The following EFEMP1 variants were observed in gnomAD, a reference collection of about 807,000 sequenced individuals.
EFEMP1 encodes EGF-like fibulin extracellular matrix protein 1, also known as EGF-containing fibulin-like extracellular matrix protein 1.
A neutral mutation model predicts 65.7 loss-of-function variants in EFEMP1; 18 were observed. That is an observed-to-expected ratio of 0.27 (90% CI 0.19 to 0.41). The LOEUF (loss-of-function observed/expected upper bound fraction) is 0.41, where lower values mean the gene tolerates loss of function less well. Ranked by LOEUF, EFEMP1 falls within the 10% of genes least tolerant of loss-of-function variation. The pLI is 1.00. For missense variants in EFEMP1, 469 were observed against 624.8 expected (o/e 0.75, Z 2.66); for synonymous variants, 237 against 219.7 (o/e 1.08, Z -0.70).
chr2:55,883,747 T>TA lies in EFEMP1; in HGVS notation c.518-2014dup, dbSNP rs1172744796. Among the ~76,000 whole-genome samples the TA allele has an allele frequency of 7.2e-5, 11 of 152,192 alleles. No homozygotes were observed. The highest frequency in any genetic ancestry group is 7.3e-5 in the Non-Finnish European group (5 of 68,028). The stretch of plus-strand genomic sequence containing the variant: ...TTGTTGCTCATTTCTTAGTGTCTGA[T>TA]AAATAGGCTAACATTTCCAGTGGAA... On this transcript the variant is annotated intron_variant, in intron 5 of 11. Transcript: ENST00000355426. The surrounding 1 kb of genome is among the most constrained non-coding windows in gnomAD (Gnocchi z 4.5).
rs1668826223 is a variant in EFEMP1 at position 55,871,947 on chromosome 2, G to T, written c.1001-824C>A. On this transcript the variant is annotated intron_variant, in intron 9 of 11. Coordinates refer to ENST00000355426, the MANE Select transcript of EFEMP1 (RefSeq NM_001039348.3). The surrounding 1 kb of genome is among the most constrained non-coding windows in gnomAD (Gnocchi z 4.2). ...ATGCCAAAGAAGTCAGAGGGAGAGA[G>T]AATCCTGGGAAGAAGGGTTGTGTTT... 6.6e-6 allele frequency among the ~76,000 whole-genome samples: 1 copy of T among 151,954 alleles called. No homozygotes were observed. Among genetic ancestry groups the T allele is most frequent in the African/African-American group, 2.4e-5 (1 of 41,376 alleles).
chr2:55,904,374 TTTGTGA>T (rs1179978780), intron 5 of EFEMP1, among the ~76,000 whole-genome samples: 2 of 152,108 alleles, frequency 1.3e-5, no homozygotes, highest in Non-Finnish European at 2.9e-5. Flanking sequence ...TGGTTAAGAG[TTTGTGA>T]TGGTTAATTT....
chr2:55,921,570 A>G lies in EFEMP1; in HGVS notation c.81+790T>C, dbSNP rs933628543. Among the ~76,000 whole-genome samples, 5 of 152,266 alleles carry G rather than the reference A, an allele frequency of 3.3e-5. No individual in the cohort carries two copies. The highest frequency in any genetic ancestry group is 2.1e-4 in the South Asian group (1 of 4,836). ...GATTAAAGACAAGAAAACACAGAACAGAGGTGCAAACAAACTCACCAGAAG... is the reference window on the plus strand; with the variant it reads ...GATTAAAGACAAGAAAACACAGAACGGAGGTGCAAACAAACTCACCAGAAG... On this transcript the variant is annotated intron_variant, in intron 3 of 11. Transcript: ENST00000355426. The surrounding 1 kb of genome is among the most constrained non-coding windows in gnomAD (Gnocchi z 4.1).
At chr2:55,905,551 G>A (rs897363566) in intron 5 of EFEMP1, among the ~76,000 whole-genome samples, 3 of 152,180 alleles carry the variant, frequency 2.0e-5, no homozygotes, top group Non-Finnish European at 4.4e-5. Flanking sequence ...GGCTTCAAGC[G>A]ATTCTCCTGT....
chr2:55,914,486 G>A (rs1027764717), intron 5 of EFEMP1, among the ~76,000 whole-genome samples: 2 of 152,096 alleles, frequency 1.3e-5, no homozygotes, highest in African/African-American at 4.8e-5. Flanking sequence ...TTATAAAATA[G>A]TGTACATTTA....
chr2:55,894,513 G>C (rs755904665), intron 5 of EFEMP1, among the ~76,000 whole-genome samples: 85 of 106,868 alleles, frequency 8.0e-4, no homozygotes, highest in Middle Eastern at 6.2e-3. Context: ...CAGGTTGGCA[G>C]AGTCTTCACT....
intron 5 of EFEMP1, among the ~76,000 whole-genome samples, chr2:55,897,341 C>T (rs1669866668): frequency 6.6e-6 from 1 of 152,114 alleles, no homozygotes; most frequent in Non-Finnish European, 1.5e-5. Context: ...CTGTAACTAA[C>T]AAAGCAATAT....
Position 55,923,696 on chromosome 2 carries a change from G to A in EFEMP1, c.-49+15C>T. 1 of 985,720 alleles carries A rather than the reference G, an allele frequency of 1.0e-6. No homozygotes were observed. Among genetic ancestry groups the A allele is most frequent in the Non-Finnish European group, 1.2e-6 (1 of 830,266 alleles). The allele number at this position is 985,720 out of a possible 1,614,324, so 61.1% of individuals were successfully genotyped here. A position where few individuals can be genotyped will look rare whatever the true frequency, so the allele number is the denominator to read the frequency against. On this transcript the variant is annotated intron_variant, in intron 1 of 11. Transcript: ENST00000355426. The surrounding 1 kb of genome is among the most constrained non-coding windows in gnomAD (Gnocchi z 5.3). Reference sequence around the variant, plus strand: ...CTGGGCTCGCTCGGGGCGACCCCCCGTTGGGGGCTCCTACCTGTGCGGCCG... The same window carrying A: ...CTGGGCTCGCTCGGGGCGACCCCCCATTGGGGGCTCCTACCTGTGCGGCCG...
At chr2:55,900,654 G>C (rs892644537) in intron 5 of EFEMP1, among the ~76,000 whole-genome samples, 1 of 101,270 alleles carries the variant, frequency 9.9e-6, no homozygotes, top group Non-Finnish European at 1.8e-5. Context: ...AGCTGAATTA[G>C]CCTTTTCTCT....
Position 55,870,861 on chromosome 2 carries a change from T to C in EFEMP1, c.1179A>G (p.Ile393Met). 1 of 1,613,840 alleles carries C rather than the reference T, an allele frequency of 6.2e-7. No homozygotes were observed. Among genetic ancestry groups the C allele is most frequent in the Non-Finnish European group, 8.5e-7 (1 of 1,179,850 alleles). ...ATCGGATGCTCATGTATTTGTAGAC[T>C]ATTGACTGGGGCAGTTCTCGGCACA... The part of the protein sequence containing the change: ...NAMCRELPQS[I>M]VYKYMSIRSD... Residue 393 changes from isoleucine to methionine, a missense_variant, in exon 11 of 12, where the codon ATA (isoleucine) becomes ATG (methionine). This residue lies in a region of EFEMP1 where 399 missense variants were observed against 528.2 expected (regional missense o/e 0.76). Coordinates refer to ENST00000355426, the MANE Select transcript of EFEMP1 (RefSeq NM_001039348.3). The surrounding 1 kb of genome is among the most constrained non-coding windows in gnomAD (Gnocchi z 5.8).
intron 5 of EFEMP1, among the ~76,000 whole-genome samples, chr2:55,910,516 CA>C (rs1670443414): frequency 6.6e-6 from 1 of 152,162 alleles, no homozygotes; most frequent in South Asian, 2.1e-4. Context: ...GCAATCCTTA[CA>C]AAAGGGGCAA....
rs963256775 is a variant in EFEMP1, at chr2:55,867,076, A to G, written c.1479T>C (p.Phe493=). 3 of 1,612,436 alleles carry G rather than the reference A, an allele frequency of 1.9e-6. No homozygotes were observed. The highest frequency in any genetic ancestry group is 2.5e-6 in the Non-Finnish European group (3 of 1,179,848). The change falls in exon 12 of 12, where the codon TTT becomes TTC. Residue 493 remains phenylalanine, a synonymous_variant. Coordinates refer to ENST00000355426, the MANE Select transcript of EFEMP1 (RefSeq NM_001039348.3). The surrounding 1 kb of genome is among the most constrained non-coding windows in gnomAD (Gnocchi z 4.3). The stretch of plus-strand genomic sequence containing the variant: ...TGTGGTTGACTCTTAGAAAAGACTA[A>G]AATGAAAATGGCCCCACTATTATTG... ...RLTIIVGPFS[F]
At chr2:55,900,097 G>T (rs912365903) in intron 5 of EFEMP1, among the ~76,000 whole-genome samples, 1 of 152,166 alleles carries the variant, frequency 6.6e-6, no homozygotes, top group South Asian at 2.1e-4. Context: ...CAACAAACTG[G>T]CTTGGAGCTG....
chr2:55,869,156 A>G (rs1188631071), intron 11 of EFEMP1, among the ~76,000 whole-genome samples: 2 of 152,134 alleles, frequency 1.3e-5, no homozygotes, highest in Non-Finnish European at 1.5e-5. Context: ...ATAATAAATA[A>G]CTGTAAAAGT....
At position 55,877,649 on chromosome 2, in the gene EFEMP1, C is replaced by G. The variant is rs1448558092; in HGVS notation, c.760+97G>C. 4 of 1,562,756 alleles carry G rather than the reference C, an allele frequency of 2.6e-6. No individual in the cohort carries two copies. The highest frequency in any genetic ancestry group is 3.5e-6 in the Non-Finnish European group (4 of 1,138,104). Reference sequence around the variant, plus strand: ...ATTGCTGAAGGGAAGTCGATGGAAACTATTTACTCAAGAACATAGAAAACT... The same window carrying G: ...ATTGCTGAAGGGAAGTCGATGGAAAGTATTTACTCAAGAACATAGAAAACT... On this transcript the variant is annotated intron_variant, in intron 7 of 11. Coordinates refer to ENST00000355426, the MANE Select transcript of EFEMP1 (RefSeq NM_001039348.3). The surrounding 1 kb of genome is among the most constrained non-coding windows in gnomAD (Gnocchi z 4.5).
At chr2:55,908,405 G>A (rs1347196036) in intron 5 of EFEMP1, among the ~76,000 whole-genome samples, 1 of 152,116 alleles carries the variant, frequency 6.6e-6, no homozygotes, top group Admixed American at 6.6e-5. Context: ...CATAGAAGTA[G>A]AGGGAAAAAT....
rs775595091 is a variant in EFEMP1, at chr2:55,867,617, A to G, written c.1321-383T>C. 5.3e-5 allele frequency among the ~76,000 whole-genome samples: 8 copies of G among 152,154 alleles called. No individual in the cohort carries two copies. Among genetic ancestry groups the G allele is most frequent in the Non-Finnish European group, 8.8e-5 (6 of 68,034 alleles). ...ACTTTTCATTTTCTCAACATTGTGC[A>G]TCTGTTTACATTCTAGTAAGTAAAG... On this transcript the variant is annotated intron_variant, in intron 11 of 11. Coordinates refer to ENST00000355426, the MANE Select transcript of EFEMP1 (RefSeq NM_001039348.3). This position sits in a 1 kb window ranked among gnomAD's most constrained non-coding sequence, Gnocchi z 4.3.
chr2:55,884,611 T>C (rs1669357724), intron 5 of EFEMP1, among the ~76,000 whole-genome samples: 1 of 152,188 alleles, frequency 6.6e-6, no homozygotes. Context: ...GTTTCCTACA[T>C]TTGTATGGGA....
chr2:55,892,169 T>C (rs1179308643), intron 5 of EFEMP1, among the ~76,000 whole-genome samples: 1 of 152,122 alleles, frequency 6.6e-6, no homozygotes, highest in Non-Finnish European at 1.5e-5. Flanking sequence ...GCATATAAAA[T>C]AGTCTTTGGA....
Sources: gnomAD v4.1 joint callset for allele counts (sites outside exome capture counted in the v4.1 genomes callset) on GRCh38, gnomAD v4.1.1 for gene constraint, gnomAD v4.1.1 regional missense constraint, Gnocchi (gnomAD v3.1) non-coding constraint, MANE v1.5 for transcripts, NCBI Gene and HGNC (gene_info 2026-07-23, HGNC 2026-07-21) for gene names.